The following GAS7 variants were observed in gnomAD, a reference collection of about 807,000 sequenced individuals.
GAS7 encodes the protein growth arrest specific 7.
In GAS7, 28 loss-of-function variants were observed where a neutral mutation model predicts 71.1. The observed-to-expected ratio is 0.39, with a 90% CI of 0.29 to 0.54. GAS7 has a LOEUF of 0.54. GAS7 is among the 20% of genes least tolerant of loss of function. GAS7 has a pLI of 0.62. For missense variants in GAS7, 436 were observed against 627.8 expected, an observed-to-expected ratio of 0.69 and a Z score of 3.27; for synonymous variants, 258 against 245.8, an observed-to-expected ratio of 1.05 and a Z score of -0.46.
intron 1 of GAS7, among the ~76,000 whole-genome samples, chr17:10,133,838 C>T (rs1424957897): frequency 6.6e-6 from 1 of 151,808 alleles, no homozygotes; most frequent in East Asian, 1.9e-4. Flanking sequence ...TGCATAATGT[C>T]CTCTGGGTTG....
chr17:10,190,554 T>A (rs1355383543), intron 1 of GAS7, among the ~76,000 whole-genome samples: 3 of 146,520 alleles, frequency 2.0e-5, no homozygotes, highest in Admixed American at 7.0e-5. Flanking sequence ...CACTCCAGCC[T>A]GAGCGACAGA....
At chr17:10,153,894 C>T (rs1261352819) in intron 1 of GAS7, among the ~76,000 whole-genome samples, 1 of 151,484 alleles carries the variant, frequency 6.6e-6, no homozygotes, top group Admixed American at 6.6e-5. Flanking sequence ...TAAAAAGATT[C>T]ATCTCTATAA....
chr17:10,009,318 C>CAGAAAAAA (rs2071666124), intron 2 of GAS7, among the ~76,000 whole-genome samples: 1 of 78,576 alleles, frequency 1.3e-5, no homozygotes. Context: ...GAGACTCCGT[C>CAGAAAAAA]AAAAAAAAAA....
At chr17:10,195,686 C>T (rs538007319) in intron 1 of GAS7, among the ~76,000 whole-genome samples, 4 of 152,188 alleles carry the variant, frequency 2.6e-5, no homozygotes, top group Admixed American at 6.5e-5. Context: ...TGGGCCCCCT[C>T]TCTAGTCTCA....
At chr17:10,175,518 T>C (rs1051060195) in intron 1 of GAS7, among the ~76,000 whole-genome samples, 6 of 152,198 alleles carry the variant, frequency 3.9e-5, no homozygotes, top group Admixed American at 1.3e-4. Flanking sequence ...CCTCTGTGTG[T>C]ATCTGTGTCC....
At chr17:10,191,480 C>T (rs140177000) in intron 1 of GAS7, among the ~76,000 whole-genome samples, 142 of 147,122 alleles carry the variant, frequency 9.7e-4, no homozygotes, top group African/African-American at 3.3e-3. Flanking sequence ...CGTTTGAGCC[C>T]AGGAGGTCAA....
In GAS7 at chr17:9,955,322, A is replaced by G. The variant is rs76928936; in HGVS notation, c.525+3880T>C. Reference sequence around the variant, plus strand: ...TACCAGGGTCCAGCTACACCTCTGGAAAGACCTCATCCTCCTCCCAAGGCC... The same window carrying G: ...TACCAGGGTCCAGCTACACCTCTGGGAAGACCTCATCCTCCTCCCAAGGCC... On this transcript the variant is annotated intron_variant, in intron 5 of 13. Coordinates refer to ENST00000432992, the MANE Select transcript of GAS7 (RefSeq NM_201433.2). 7.6e-4 allele frequency among the ~76,000 whole-genome samples: 115 copies of G among 152,302 alleles called. 1 individual carries two copies. Among genetic ancestry groups the G allele is most frequent in the Non-Finnish European group, 1.2e-3 (81 of 68,022 alleles).
Position 9,919,902 on chromosome 17 carries a change from A to G in GAS7, c.1139-197T>C, listed in dbSNP as rs1367129649. ...AAGGGGGCAACCCAGCCCCATGAGA[A>G]CCCAGCTCAGGTGTCCCCCTGAAGC... On this transcript the variant is annotated intron_variant, in intron 11 of 13. Coordinates refer to ENST00000432992, the MANE Select transcript of GAS7 (RefSeq NM_201433.2). This position sits in a 1 kb window ranked among gnomAD's most constrained non-coding sequence, Gnocchi z 5.0. 6.6e-6 allele frequency among the ~76,000 whole-genome samples: 1 copy of G among 151,848 alleles called. No homozygotes were observed. The highest frequency in any genetic ancestry group is 2.4e-5 in the African/African-American group (1 of 41,304).
intron 1 of GAS7, among the ~76,000 whole-genome samples, chr17:10,037,752 T>A (rs914169921): frequency 3.0e-4 from 45 of 151,676 alleles, no homozygotes; most frequent in African/African-American, 1.1e-3. Flanking sequence ...GGGTGGGGCA[T>A]CCATGTAAAC....
At chr17:9,938,511 CCT>C (rs368648434) in intron 8 of GAS7, among the ~76,000 whole-genome samples, 92 of 146,862 alleles carry the variant, frequency 6.3e-4, no homozygotes, top group Admixed American at 8.9e-4. Context: ...CACAGAGCTC[CCT>C]CTCTCTCTCT....
chr17:10,165,217 G>T (rs1025163588), intron 1 of GAS7, among the ~76,000 whole-genome samples: 1 of 150,792 alleles, frequency 6.6e-6, no homozygotes, highest in Non-Finnish European at 1.5e-5. Flanking sequence ...ACGTGAACCC[G>T]GGAGGCAGAG....
chr17:9,973,088 C>T (rs765739501), intron 3 of GAS7, among the ~76,000 whole-genome samples: 10 of 151,996 alleles, frequency 6.6e-5, no homozygotes, highest in Non-Finnish European at 1.3e-4. Context: ...CAGAAATTAA[C>T]GAGTCAGGAA....
chr17:10,197,426 T>C (rs545563835), intron 1 of GAS7, among the ~76,000 whole-genome samples: 3 of 152,272 alleles, frequency 2.0e-5, no homozygotes, highest in South Asian at 2.1e-4. Context: ...CAAAGGACTT[T>C]AGAAACTTCG....
Position 10,057,437 on chromosome 17 carries a change from C to T in GAS7, c.184-37540G>A, listed in dbSNP as rs184365082. On this transcript the variant is annotated intron_variant, in intron 1 of 13. Coordinates refer to ENST00000432992, the MANE Select transcript of GAS7 (RefSeq NM_201433.2). ...TCTGGAATGTGGGGAGCGCCTCTGC[C>T]GGGCCGCGACCCCGTCTGGGAGGTG... is the stretch of plus-strand genomic sequence containing the variant. Among the ~76,000 whole-genome samples the T allele has an allele frequency of 6.6e-3, 1,000 of 152,088 alleles. 10 individuals are homozygous for T. The highest frequency in any genetic ancestry group is 0.023 in the African/African-American group (936 of 41,476).
chr17:10,148,512 G>A (rs958476651), intron 1 of GAS7, among the ~76,000 whole-genome samples: 26 of 151,606 alleles, frequency 1.7e-4, no homozygotes, highest in Admixed American at 7.9e-4. Context: ...CAGCTACTCT[G>A]GAGGCTGAGA....
Position 10,085,751 on chromosome 17 carries a change from T to A in GAS7, c.184-65854A>T, listed in dbSNP as rs528349732. On this transcript the variant is annotated intron_variant, in intron 1 of 13. Coordinates refer to ENST00000432992, the MANE Select transcript of GAS7 (RefSeq NM_201433.2). ...GAAAGAGGAACCATCCCTTACTGAGTGATGTGACAAGCACTTTGACACATT... is the reference window on the plus strand; with the variant it reads ...GAAAGAGGAACCATCCCTTACTGAGAGATGTGACAAGCACTTTGACACATT... 1.9e-3 allele frequency among the ~76,000 whole-genome samples: 276 copies of A among 148,320 alleles called. 10 individuals are homozygous for A. In the South Asian group the frequency reaches 0.058, roughly 31 times the overall value.
chr17:10,121,210 G>A (rs755126714), intron 1 of GAS7, among the ~76,000 whole-genome samples: 20 of 152,068 alleles, frequency 1.3e-4, no homozygotes, highest in Non-Finnish European at 1.9e-4. Flanking sequence ...GTGAAACCCC[G>A]TCTCTACTAA....
intron 1 of GAS7, among the ~76,000 whole-genome samples, chr17:10,117,724 G>C (rs739350): frequency 0.34 from 51,543 of 152,030 alleles, 9,072 homozygotes; most frequent in African/African-American, 0.38. Flanking sequence ...GAAAACAACA[G>C]ACTAGGGACC....
chr17:10,042,544 T>C (rs1335225689), intron 1 of GAS7, among the ~76,000 whole-genome samples: 2 of 152,118 alleles, frequency 1.3e-5, no homozygotes, highest in African/African-American at 4.8e-5. Flanking sequence ...GCAGGTATTG[T>C]ATGTAGGACC....
Sources: gnomAD v4.1 joint callset for allele counts (sites outside exome capture counted in the v4.1 genomes callset) on GRCh38, gnomAD v4.1.1 for gene constraint, Gnocchi (gnomAD v3.1) non-coding constraint, MANE v1.5 for transcripts, NCBI Gene and HGNC (gene_info 2026-07-23, HGNC 2026-07-21) for gene names.